Variants in EHMT1 observed in about 807,000 individuals in gnomAD.
EHMT1 encodes histone-lysine N-methyltransferase EHMT1.
A neutral mutation model predicts 147.2 loss-of-function variants in EHMT1; 15 were observed. The ratio of observed to expected loss-of-function variants is 0.10; its 90% CI spans 0.07 to 0.16. The LOEUF (loss-of-function observed/expected upper bound fraction) is 0.16, where lower values mean the gene tolerates loss of function less well. Among genes scored for constraint, EHMT1 ranks in the 10% least tolerant of loss-of-function variants. The pLI is 1.00. For missense variants in EHMT1, 1,587 were observed against 1,772.4 expected (o/e 0.90, Z 1.88); for synonymous variants, 795 against 709.6 (o/e 1.12, Z -1.91).
At chr9:137,740,976 A>T (rs1948007091) in intron 4 of EHMT1, among the ~76,000 whole-genome samples, 4 of 119,454 alleles carry the variant, frequency 3.3e-5, no homozygotes, top group African/African-American at 1.3e-4. Context: ...CCCCGACATG[A>T]TTTTTTTTTT....
intron 25 of EHMT1, 92 bp downstream of exon 25, chr9:137,818,230 A>G (rs753422767): frequency 8.5e-6 from 12 of 1,403,518 alleles, no homozygotes; most frequent in African/African-American, 1.4e-5. Context: ...TTCAGAAGAG[A>G]GCTCTTACTG....
rs1442470712 is a variant in EHMT1, at chr9:137,716,837, A to G, written c.297A>G (p.Arg99=). The change falls in exon 3 of 27, where the codon AGA becomes AGG. Residue 99 remains arginine (R), a synonymous_variant. Coordinates refer to ENST00000460843, the MANE Select transcript of EHMT1 (RefSeq NM_024757.5). ...TAGCGGAAAATGGGGTTTCAGAAAGAGACTCAGAAGCGGCGAAGCAAAACC... is the reference window on the plus strand; with the variant it reads ...TAGCGGAAAATGGGGTTTCAGAAAGGGACTCAGAAGCGGCGAAGCAAAACC... ...TRIAENGVSE[R]DSEAAKQNHV... The G allele has an allele frequency of 6.2e-7, 1 of 1,613,230 alleles. No individual in the cohort carries two copies. The highest frequency in any genetic ancestry group is 1.3e-5 in the African/African-American group (1 of 74,902).
intron 1 of EHMT1, among the ~76,000 whole-genome samples, chr9:137,687,549 C>T (rs577105550): frequency 6.6e-6 from 1 of 152,092 alleles, no homozygotes; most frequent in Non-Finnish European, 1.5e-5. Context: ...TGTGTTCCCC[C>T]CAAAACCAAG....
In EHMT1 at chr9:137,643,366, A is replaced by T. The variant is rs1844639949; in HGVS notation, c.21+24317A>T. Among the ~76,000 whole-genome samples the T allele has an allele frequency of 2.4e-5, 3 of 127,496 alleles. No individual in the cohort carries two copies. In the South Asian group the frequency reaches 7.3e-4, roughly 31 times the overall value. The allele number at this position is 127,496 out of a possible 152,430, so 83.6% of individuals were successfully genotyped here. On this transcript the variant is annotated intron_variant, in intron 1 of 26. Coordinates refer to ENST00000460843, the MANE Select transcript of EHMT1 (RefSeq NM_024757.5). The stretch of plus-strand genomic sequence containing the variant: ...TTTTTTTTTTTTTTTTTTTAGACAG[A>T]GTCTCACCCTCTCGCCCAGGCTGGA...
intron 1 of EHMT1, among the ~76,000 whole-genome samples, chr9:137,643,337 G>GT (rs71493685): frequency 0.13 from 14,241 of 111,812 alleles, 1,505 homozygotes; most frequent in Admixed American, 0.2. Flanking sequence ...GTGTATAAAG[G>GT]TTTTTTTTTT....
At chr9:137,743,749 C>G (rs567257889) in intron 5 of EHMT1, among the ~76,000 whole-genome samples, 153 bp from the exon 6 acceptor site, 33 of 152,340 alleles carry the variant, frequency 2.2e-4, no homozygotes, top group Admixed American at 2.1e-3. Flanking sequence ...GTCTGCCGGG[C>G]TCTTCTCCAG....
rs561521204 is a variant in EHMT1, at chr9:137,781,898, T to C, written c.2276-393T>C. On this transcript the variant is annotated intron_variant, in intron 14 of 26. Transcript: ENST00000460843. The stretch of plus-strand genomic sequence containing the variant: ...ACCGTCCTCTCAGACCTCCTGGGAA[T>C]TGACCGATGCTCAGGCCTCTGTCCC... Among the ~76,000 whole-genome samples, 8 of 152,330 alleles carry C rather than the reference T, an allele frequency of 5.3e-5. No individual in the cohort carries two copies. The East Asian group carries it at 1.4e-3, about 26-fold the overall frequency.
intron 6 of EHMT1, among the ~76,000 whole-genome samples, chr9:137,750,969 C>T (rs1948918925): frequency 6.6e-6 from 1 of 152,156 alleles, no homozygotes; most frequent in Admixed American, 6.5e-5. Context: ...TGTCAGGGCA[C>T]GTAACAAATG....
At chr9:137,761,890 C>G (rs1949852608) in intron 9 of EHMT1, among the ~76,000 whole-genome samples, 1 of 152,252 alleles carries the variant, frequency 6.6e-6, no homozygotes, top group Middle Eastern at 3.2e-3. Context: ...GGAGCGGCAC[C>G]CACTGTAGCC....
intron 15 of EHMT1, among the ~76,000 whole-genome samples, chr9:137,783,044 A>C (rs553492878): frequency 3.2e-4 from 49 of 152,214 alleles, no homozygotes; most frequent in African/African-American, 1.2e-3. Context: ...TGTGTGACCT[A>C]TTATTTCTGG....
intron 1 of EHMT1, among the ~76,000 whole-genome samples, chr9:137,682,344 C>G (rs1942033526): frequency 6.6e-6 from 1 of 151,946 alleles, no homozygotes; most frequent in Admixed American, 6.6e-5. Flanking sequence ...GTTGTTTTTT[C>G]CCCCCAGTAC....
Position 137,668,622 on chromosome 9 carries a change from C to A in EHMT1, c.22-42345C>A, listed in dbSNP as rs141030233. Among the ~76,000 whole-genome samples, 472 of 152,316 alleles carry A rather than the reference C, an allele frequency of 3.1e-3. 1 individual carries two copies. Among genetic ancestry groups the A allele is most frequent in the Non-Finnish European group, 5.1e-3 (344 of 68,032 alleles). On this transcript the variant is annotated intron_variant, in intron 1 of 26. Coordinates refer to ENST00000460843, the MANE Select transcript of EHMT1 (RefSeq NM_024757.5). Reference sequence around the variant, plus strand: ...ATTAGCAGTTCCTTCCCGTGTCCCCCACTCCCCCAACCCAGTCCCTGGCAA... The same window carrying A: ...ATTAGCAGTTCCTTCCCGTGTCCCCAACTCCCCCAACCCAGTCCCTGGCAA...
intron 25 of EHMT1, among the ~76,000 whole-genome samples, chr9:137,826,835 G>A (rs1955843235): frequency 6.6e-6 from 1 of 152,236 alleles, no homozygotes; most frequent in Non-Finnish European, 1.5e-5. Flanking sequence ...CTCCCAAACT[G>A]TCTGTGTGGA....
intron 25 of EHMT1, among the ~76,000 whole-genome samples, chr9:137,827,246 G>T (rs1955868424): frequency 6.6e-6 from 1 of 152,304 alleles, no homozygotes; most frequent in South Asian, 2.1e-4. Context: ...CCTCCCATGA[G>T]TGTCCCTAAG....
chr9:137,753,311 G>A (rs919734968), intron 7 of EHMT1, among the ~76,000 whole-genome samples: 2 of 152,176 alleles, frequency 1.3e-5, no homozygotes, highest in African/African-American at 4.8e-5. Flanking sequence ...CGTGGTGTTC[G>A]GCGATGAAGG....
chr9:137,816,169 CAT>C (rs1564816431), intron 23 of EHMT1, 107 bp downstream of exon 23: 1 of 994,664 alleles, frequency 1.0e-6, no homozygotes, highest in East Asian at 2.6e-5. Context: ...GATGCACGCA[CAT>C]GTGTGTTTGC....
At chr9:137,678,756 G>A (rs1010868519) in intron 1 of EHMT1, among the ~76,000 whole-genome samples, 2 of 132,720 alleles carry the variant, frequency 1.5e-5, no homozygotes, top group Non-Finnish European at 3.1e-5. Context: ...CTACTCAGTC[G>A]GCGTCTTGTG....
chr9:137,766,223 G>A (rs1212257940), intron 10 of EHMT1, among the ~76,000 whole-genome samples: 1 of 152,216 alleles, frequency 6.6e-6, no homozygotes, highest in African/African-American at 2.4e-5. Flanking sequence ...AGCTGCTGAT[G>A]CTTAACACCT....
At chr9:137,755,476 C>A (rs945394505) in intron 8 of EHMT1, among the ~76,000 whole-genome samples, 5 of 152,228 alleles carry the variant, frequency 3.3e-5, no homozygotes, top group African/African-American at 1.2e-4. Flanking sequence ...GTCCATTCAT[C>A]CGTCCATGGG....
Sources: allele counts gnomAD v4.1 joint callset (sites outside exome capture counted in the v4.1 genomes callset), GRCh38; gene constraint gnomAD v4.1.1; transcripts MANE v1.5; gene names NCBI Gene and HGNC (gene_info 2026-07-23, HGNC 2026-07-21).